Variants in ITPRID2 observed in about 807,000 individuals in gnomAD.
ITPRID2 encodes protein ITPRID2.
In ITPRID2, 60 loss-of-function variants were observed where a neutral mutation model predicts 124.3. That is an observed-to-expected ratio of 0.48 (90% CI 0.39 to 0.60). The LOEUF is 0.60. Among genes scored for constraint, ITPRID2 ranks in the 20% least tolerant of loss-of-function variants. The pLI, the probability that ITPRID2 is intolerant of heterozygous loss-of-function variation, is 0.00. For synonymous variants in ITPRID2, 521 were observed against 542.9 expected (o/e 0.96, Z 0.56); for missense variants, 1,553 against 1,512.2 (o/e 1.03, Z -0.45).
In ITPRID2 at chr2:181,909,145, T is replaced by C. The variant is rs115884402; in HGVS notation, c.1414-754T>C. ...AGACAACTAAGTTTGATATGTTCTT[T>C]GAACAGTGTTTTCAGGGAAGATTTA... On this transcript the variant is annotated intron_variant, in intron 8 of 17. Transcript: ENST00000431877. Among the ~76,000 whole-genome samples the C allele has an allele frequency of 7.1e-3, 1,089 of 152,330 alleles. 10 individuals carry two copies. Among genetic ancestry groups the C allele is most frequent in the African/African-American group, 0.025 (1,035 of 41,578 alleles).
At chr2:181,908,030 T>C (rs945480649) in intron 8 of ITPRID2, among the ~76,000 whole-genome samples, 1 of 152,212 alleles carries the variant, frequency 6.6e-6, no homozygotes, top group Non-Finnish European at 1.5e-5. Flanking sequence ...TATTTTGTGA[T>C]TAATTTCATA....
At chr2:181,894,651 A>C (rs528663459) in intron 2 of ITPRID2, 1 of 152,160 alleles carries the variant, frequency 6.6e-6, no homozygotes, top group East Asian at 1.9e-4. Flanking sequence ...TTTGTTTCTT[A>C]GTGCCGTCCA....
rs893344210 is a variant in ITPRID2, at chr2:181,902,827, C to G, written c.1413+361C>G. Among the ~76,000 whole-genome samples, 2 of 152,150 alleles carry G rather than the reference C, an allele frequency of 1.3e-5. No homozygotes were observed. Among genetic ancestry groups the G allele is most frequent in the Non-Finnish European group, 2.9e-5 (2 of 68,024 alleles). ...ACACAGGCTTTGAAATCAAACAGGG[C>G]TTTGAGTTTTGTCTGCCACTGAATG... On this transcript the variant is annotated intron_variant, in intron 8 of 17. Coordinates refer to ENST00000431877, the MANE Select transcript of ITPRID2 (RefSeq NM_001130445.3). The surrounding 1 kb of genome is among the most constrained non-coding windows in gnomAD (Gnocchi z 4.4).
chr2:181,923,546 G>T (rs952813529), intron 16 of ITPRID2, among the ~76,000 whole-genome samples: 1 of 152,042 alleles, frequency 6.6e-6, no homozygotes, highest in Non-Finnish European at 1.5e-5. Context: ...CACCCTACTC[G>T]GTCAGGTGTG....
intron 8 of ITPRID2, among the ~76,000 whole-genome samples, chr2:181,906,141 A>C (rs1163059743): frequency 6.6e-6 from 1 of 152,206 alleles, no homozygotes; most frequent in Admixed American, 6.5e-5. Context: ...ACTAGTACGG[A>C]AAGAGATACT....
At chr2:181,894,520 A>G (rs2125058768) in intron 2 of ITPRID2, 2 of 152,266 alleles carry the variant, frequency 1.3e-5, no homozygotes, top group Middle Eastern at 3.4e-3. Context: ...TTGCATCTGT[A>G]TTTTTGTTTT....
At chr2:181,899,237 C>T (rs1351723928) in intron 6 of ITPRID2, 125 bp downstream of exon 6, 2 of 680,862 alleles carry the variant, frequency 2.9e-6, no homozygotes, top group South Asian at 2.1e-5. Flanking sequence ...AGAGCGTTTC[C>T]TGTACCAGCA....
At chr2:181,923,739 T>C (rs1194646670) in intron 16 of ITPRID2, among the ~76,000 whole-genome samples, 1 of 152,084 alleles carries the variant, frequency 6.6e-6, no homozygotes, top group Non-Finnish European at 1.5e-5. Context: ...GGTATGAAAG[T>C]TTTCTTTGAA....
At position 181,929,823 on chromosome 2, in the gene ITPRID2, T is replaced by A; in HGVS notation, c.*276T>A. On this transcript the variant is annotated 3_prime_UTR_variant, in exon 18 of 18. Transcript: ENST00000431877. ...TGTATGTCAGTATTTTTCATTTGAT[T>A]CCCTATTAGAATTAATTTTAAAACT... 2.3e-6 allele frequency: 1 copy of A among 431,170 alleles called. No homozygotes were observed. The highest frequency in any genetic ancestry group is 4.1e-6 in the Non-Finnish European group (1 of 243,128). 26.7% of individuals were successfully genotyped at this position (431,170 alleles called of 1,614,324 possible).
rs1003892601 is a variant in ITPRID2, at chr2:181,892,745, G to A, written c.257+85G>A. 29 of 1,524,942 alleles carry A rather than the reference G, an allele frequency of 1.9e-5. No individual in the cohort carries two copies. Among genetic ancestry groups the A allele is most frequent in the Non-Finnish European group, 2.6e-5 (29 of 1,102,804 alleles). The allele number at this position is 1,524,942 out of a possible 1,614,324, so 94.5% of individuals were successfully genotyped here. ...GCAGAGCCACTCGGGCCGCGTCCCT[G>A]TGGGTCCCGCGACCGTTGTAAGCTA... On this transcript the variant is annotated intron_variant, in intron 2 of 17. Coordinates refer to ENST00000431877, the MANE Select transcript of ITPRID2 (RefSeq NM_001130445.3). This position sits in a 1 kb window ranked among gnomAD's most constrained non-coding sequence, Gnocchi z 5.2.
In ITPRID2 at chr2:181,896,790, G is replaced by C. The variant is rs1692237719; in HGVS notation, c.308-118G>C. 8 of 762,070 alleles carry C rather than the reference G, an allele frequency of 1.0e-5. No individual in the cohort carries two copies. Among genetic ancestry groups the C allele is most frequent in the Admixed American group, 6.5e-5 (3 of 46,446 alleles). The allele number at this position is 762,070 out of a possible 1,614,324, so 47.2% of individuals were successfully genotyped here. On this transcript the variant is annotated intron_variant, in intron 3 of 17. Coordinates refer to ENST00000431877, the MANE Select transcript of ITPRID2 (RefSeq NM_001130445.3). This position sits in a 1 kb window ranked among gnomAD's most constrained non-coding sequence, Gnocchi z 4.3. The stretch of plus-strand genomic sequence containing the variant: ...CAGAATAATGTCTGAGTACATTCAA[G>C]TCTGAAAGATTTTACTGTATAAGAT...
intron 4 of ITPRID2, among the ~76,000 whole-genome samples, chr2:181,898,348 T>G (rs559679554): frequency 6.6e-6 from 1 of 152,114 alleles, no homozygotes; most frequent in South Asian, 2.1e-4. Context: ...TATCATAAAG[T>G]TGAAAGGCAA....
rs1292558135 is a variant in ITPRID2 at position 181,892,083 on chromosome 2, C to T, written c.17C>T (p.Ser6Leu). MDRPL[S>L]SSAEAEEELE... Reference sequence around the variant, plus strand: ...AGTGCGGCCATGGACCGGCCCCTGTCGTCGTCGGCGGAGGCGGAGGAGGAA... The same window carrying T: ...AGTGCGGCCATGGACCGGCCCCTGTTGTCGTCGGCGGAGGCGGAGGAGGAA... The change falls in exon 1 of 18, where the codon TCG becomes TTG. Residue 6 changes from serine to leucine, a missense_variant. Physicochemically the swap from Ser to Leu is moderately radical, Grantham distance 145 (BLOSUM62 -2). Transcript: ENST00000431877. The surrounding 1 kb of genome is among the most constrained non-coding windows in gnomAD (Gnocchi z 5.2). 1 of 1,553,516 alleles carries T rather than the reference C, an allele frequency of 6.4e-7. No homozygotes were observed. Among genetic ancestry groups the T allele is most frequent in the East Asian group, 2.4e-5 (1 of 41,382 alleles).
chr2:181,913,474 G>GGA (rs1327630260), intron 9 of ITPRID2, among the ~76,000 whole-genome samples: 1 of 152,152 alleles, frequency 6.6e-6, no homozygotes, highest in African/African-American at 2.4e-5. Flanking sequence ...TTTACATAAT[G>GGA]GAAATGGTTT....
intron 11 of ITPRID2, chr2:181,916,857 T>C: frequency 1.0e-6 from 1 of 1,002,330 alleles, no homozygotes; most frequent in Non-Finnish European, 1.2e-6. Context: ...TGTTGGCTTC[T>C]GTGGCACCAC....
Position 181,896,823 on chromosome 2 carries a change from T to C in ITPRID2, c.308-85T>C. ...GATTTTACTGTATAAGATATTTTGC[T>C]GGGTGAATTTAACTAAAACAGTGAT... On this transcript the variant is annotated intron_variant, in intron 3 of 17. Coordinates refer to ENST00000431877, the MANE Select transcript of ITPRID2 (RefSeq NM_001130445.3). This position sits in a 1 kb window ranked among gnomAD's most constrained non-coding sequence, Gnocchi z 4.3. 1.0e-6 allele frequency: 1 copy of C among 1,001,056 alleles called. No homozygotes were observed. The highest frequency in any genetic ancestry group is 1.6e-6 in the Non-Finnish European group (1 of 632,360). 62.0% of individuals were successfully genotyped at this position (1,001,056 alleles called of 1,614,324 possible).
chr2:181,923,012 G>GGT lies in ITPRID2; in HGVS notation c.3675+603_3675+604dup, dbSNP rs1480913946. 4.6e-5 allele frequency among the ~76,000 whole-genome samples: 7 copies of GGT among 152,208 alleles called. 1 individual carries two copies. Among genetic ancestry groups the GGT allele is most frequent in the Middle Eastern group, 3.4e-3 (1 of 294 alleles). On this transcript the variant is annotated intron_variant, in intron 16 of 17. Transcript: ENST00000431877. ...AAGTATAAATAGATTGATTTGGTTT[G>GGT]GTGTTTTTTATTCAAAAATCAAAAT...
Position 181,916,230 on chromosome 2 carries a change from ACT to A in ITPRID2, c.2593_2594del (p.Leu865GlufsTer14). On this transcript the variant is annotated frameshift_variant, in exon 11 of 18. Transcript: ENST00000431877. LOFTEE classifies it high-confidence loss of function. ...AAGGCCCCTGTGTGAGCACACAAGA[ACT>A]CTGAGCACTCACAGTGTTCCCAACA... is the stretch of plus-strand genomic sequence containing the variant. The part of the protein sequence containing the change: ...QERPLCEHTR[T>X]LSTHSVPNIS... 1 of 1,614,036 alleles carries A rather than the reference ACT, an allele frequency of 6.2e-7. No individual in the cohort carries two copies. The highest frequency in any genetic ancestry group is 8.5e-7 in the Non-Finnish European group (1 of 1,180,018).
chr2:181,929,658 C>T lies in ITPRID2; in HGVS notation c.*111C>T, dbSNP rs757223209. Reference sequence around the variant, plus strand: ...GCTTTAGAAGATACTTGCTGTTGAGCTGGGCTACTGTATACAGTGTACAAT... The same window carrying T: ...GCTTTAGAAGATACTTGCTGTTGAGTTGGGCTACTGTATACAGTGTACAAT... On this transcript the variant is annotated 3_prime_UTR_variant, in exon 18 of 18. Transcript: ENST00000431877. The T allele has an allele frequency of 1.2e-6, 2 of 1,602,782 alleles. No homozygotes were observed. Among genetic ancestry groups the T allele is most frequent in the East Asian group, 2.2e-5 (1 of 44,662 alleles).
Sources: allele counts gnomAD v4.1 joint callset (sites outside exome capture counted in the v4.1 genomes callset), GRCh38; gene constraint gnomAD v4.1.1; non-coding constraint Gnocchi (gnomAD v3.1); transcripts MANE v1.5; gene names NCBI Gene and HGNC (gene_info 2026-07-23, HGNC 2026-07-21).